LRRK2: variants seen among roughly 807,000 people sequenced by gnomAD.
LRRK2 encodes the protein leucine rich repeat kinase 2.
In LRRK2, 203 loss-of-function variants were observed where a neutral mutation model predicts 302.6. The observed-to-expected ratio is 0.67, with a 90% CI of 0.60 to 0.75. The LOEUF (loss-of-function observed/expected upper bound fraction) is 0.75, where lower values mean the gene tolerates loss of function less well. Among genes scored for constraint, LRRK2 ranks in the 30% least tolerant of loss-of-function variants. The pLI, the probability that LRRK2 is intolerant of heterozygous loss-of-function variation, is 0.00. For missense variants in LRRK2, 2,830 were observed against 2,951.0 expected, an observed-to-expected ratio of 0.96 and a Z score of 0.95; for synonymous variants, 1,066 against 1,031.9, an observed-to-expected ratio of 1.03 and a Z score of -0.63.
At chr12:40,298,535 T>C (rs770814928) in intron 24 of LRRK2, 42 bp downstream of exon 24, 5 of 1,610,100 alleles carry the variant, frequency 3.1e-6, no homozygotes, top group South Asian at 1.1e-5. Context: ...TGCCTAAATA[T>C]GCTGATGTTA....
In LRRK2 at chr12:40,240,522, A is replaced by T. The variant is rs140300473; in HGVS notation, c.611A>T (p.Asp204Val). 4 of 1,613,118 alleles carry T rather than the reference A, an allele frequency of 2.5e-6. No homozygotes were observed. The African/African-American group carries it at 5.3e-5, about 22-fold the overall frequency. ...EQLTEFVENK[D>V]YMILLSALTN... is the part of the protein sequence containing the mutation. ...CTGACTGAATTTGTTGAGAACAAAGATTATATGATATTGTTAAGTGCGTTA... is the reference window on the plus strand; with the variant it reads ...CTGACTGAATTTGTTGAGAACAAAGTTTATATGATATTGTTAAGTGCGTTA... Residue 204 changes from aspartate to valine, a missense_variant, in exon 6 of 51, where the codon GAT becomes GTT. Asp to Val is a radical substitution (Grantham distance 152, BLOSUM62 -3). Around this residue, in one of 3 missense-constraint regions of LRRK2, gnomAD observed 2,121 missense variants for 2,148.0 expected, o/e 0.99. Transcript: ENST00000298910.
chr12:40,282,922 A>G (rs1592218878), intron 18 of LRRK2, among the ~76,000 whole-genome samples: 2 of 152,152 alleles, frequency 1.3e-5, no homozygotes, highest in East Asian at 3.8e-4. Context: ...TTTTGAAGCC[A>G]GCAGATTTGG....
intron 38 of LRRK2, among the ~76,000 whole-genome samples, chr12:40,325,708 A>T (rs760600265): frequency 1.1e-4 from 17 of 152,204 alleles, no homozygotes; most frequent in Non-Finnish European, 1.6e-4. Context: ...AGTAATCTGG[A>T]GAAGGTTATG....
rs2136891322 is a variant in LRRK2, at chr12:40,322,403, G to T, written c.5402G>T (p.Cys1801Phe). ...CCTGGGTTGCTGGAGATTGATATTTGTGGTGAAGGAGAAACTCTGTTGAAG... is the reference window on the plus strand; with the variant it reads ...CCTGGGTTGCTGGAGATTGATATTTTTGGTGAAGGAGAAACTCTGTTGAAG... ...WFPGLLEIDI[C>F]GEGETLLKKW... is the part of the protein sequence containing the mutation. The change falls in exon 37 of 51, where the codon TGT becomes TTT. Residue 1801 changes from cysteine (C) to phenylalanine (F), a missense_variant. This residue lies in a region of LRRK2 where 2,121 missense variants were observed against 2,148.0 expected (regional missense o/e 0.99). Coordinates refer to ENST00000298910, the MANE Select transcript of LRRK2 (RefSeq NM_198578.4). 2 of 1,613,576 alleles carry T rather than the reference G, an allele frequency of 1.2e-6. No homozygotes were observed. The highest frequency in any genetic ancestry group is 2.2e-5 in the East Asian group (1 of 44,844).
In LRRK2 at chr12:40,315,004, A is replaced by G. The variant is rs181987755; in HGVS notation, c.4739-208A>G. Among the ~76,000 whole-genome samples, 144 of 152,200 alleles carry G rather than the reference A, an allele frequency of 9.5e-4. 1 individual carries two copies. The highest frequency in any genetic ancestry group is 3.4e-3 in the African/African-American group (140 of 41,548). On this transcript the variant is annotated intron_variant, in intron 32 of 50. Transcript: ENST00000298910. ...GTCAGTGTCTCAAATATGCTTAAAT[A>G]TGATCATTTTATGTAGTTTAAAAAT...
intron 11 of LRRK2, among the ~76,000 whole-genome samples, chr12:40,255,512 AT>A (rs1291552985): frequency 6.6e-6 from 1 of 152,104 alleles, no homozygotes; most frequent in Non-Finnish European, 1.5e-5. Flanking sequence ...ATTGCTTGCA[AT>A]TTTCAAACCA....
intron 39 of LRRK2, among the ~76,000 whole-genome samples, chr12:40,332,794 G>C (rs1033898125): frequency 3.3e-5 from 5 of 151,844 alleles, no homozygotes; most frequent in African/African-American, 1.2e-4. Flanking sequence ...TGGCCTTGCT[G>C]TCAGCATGCA....
At chr12:40,321,751 T>C (rs894694986) in intron 35 of LRRK2, among the ~76,000 whole-genome samples, 1 of 152,046 alleles carries the variant, frequency 6.6e-6, no homozygotes, top group Admixed American at 6.6e-5. Context: ...TTTTAAAAAT[T>C]ATGAGGATTT....
intron 38 of LRRK2, among the ~76,000 whole-genome samples, chr12:40,323,798 CTT>C (rs76080191): frequency 0.4 from 59,056 of 145,900 alleles, 12,263 homozygotes; most frequent in South Asian, 0.51. Flanking sequence ...TACTCAAATA[CTT>C]TTTTTTTTTT....
Position 40,263,915 on chromosome 12 carries a change from A to G in LRRK2, c.1656+14A>G. The G allele has an allele frequency of 6.4e-7, 1 of 1,552,560 alleles. No individual in the cohort carries two copies. The highest frequency in any genetic ancestry group is 1.7e-4 in the Middle Eastern group (1 of 5,914). On this transcript the variant is annotated intron_variant, in intron 14 of 50. Coordinates refer to ENST00000298910, the MANE Select transcript of LRRK2 (RefSeq NM_198578.4). Reference sequence around the variant, plus strand: ...GCTTTGAACAGGGTATGTTGAATATAAGTTTTCTGTATTTATACTATTAAC... The same window carrying G: ...GCTTTGAACAGGGTATGTTGAATATGAGTTTTCTGTATTTATACTATTAAC...
intron 49 of LRRK2, chr12:40,366,036 G>A (rs912939710): frequency 1.3e-5 from 2 of 151,886 alleles, no homozygotes; most frequent in Admixed American, 1.3e-4. Context: ...TGAAGTTATA[G>A]TGGAATGTCT....
intron 39 of LRRK2, among the ~76,000 whole-genome samples, chr12:40,329,464 C>T (rs1426927494): frequency 1.3e-5 from 2 of 151,998 alleles, no homozygotes; most frequent in African/African-American, 2.4e-5. Flanking sequence ...ATATTCTGGT[C>T]TGTACTCATA....
chr12:40,274,497 T>C (rs1432547113), intron 14 of LRRK2, 86 bp from the exon 15 acceptor site: 27 of 1,363,686 alleles, frequency 2.0e-5, no homozygotes, highest in Non-Finnish European at 9.3e-6. Context: ...GATTACTTGA[T>C]TTATATTTTG....
chr12:40,296,476 T>C (rs1473589721), intron 23 of LRRK2, among the ~76,000 whole-genome samples: 1 of 151,806 alleles, frequency 6.6e-6, no homozygotes, highest in Non-Finnish European at 1.5e-5. Context: ...ACCAAAAATA[T>C]GAAAAATTAG....
intron 43 of LRRK2, among the ~76,000 whole-genome samples, chr12:40,349,564 AGTGCT>A (rs1946293674): frequency 3.0e-4 from 3 of 10,094 alleles, no homozygotes; most frequent in African/African-American, 4.9e-4. Flanking sequence ...CCCAGGCTGG[AGTGCT>A]GGAGTGCAGT....
chr12:40,227,021 T>G (rs1940927799), intron 2 of LRRK2, among the ~76,000 whole-genome samples: 1 of 152,148 alleles, frequency 6.6e-6, no homozygotes, highest in Non-Finnish European at 1.5e-5. Context: ...CAGGGGAGCC[T>G]GGAACATACT....
chr12:40,346,457 AC>A (rs536573884), intron 41 of LRRK2, among the ~76,000 whole-genome samples: 65 of 152,314 alleles, frequency 4.3e-4, no homozygotes, highest in East Asian at 2.9e-3. Flanking sequence ...TTAATAACTT[AC>A]CATTGAATGT....
intron 2 of LRRK2, among the ~76,000 whole-genome samples, chr12:40,226,121 T>C (rs1021739194): frequency 6.6e-6 from 1 of 152,186 alleles, no homozygotes; most frequent in Admixed American, 6.5e-5. Flanking sequence ...TTTCTAGCCT[T>C]TAGTTGTAGT....
At chr12:40,353,111 T>C (rs10878412) in intron 44 of LRRK2, among the ~76,000 whole-genome samples, 115,465 of 148,918 alleles carry the variant, frequency 0.78, 45,277 homozygotes, top group Non-Finnish European at 0.86. Context: ...CCGGATGGGG[T>C]GGCTGCCCAG....
Sources: allele counts gnomAD v4.1 joint callset (sites outside exome capture counted in the v4.1 genomes callset), GRCh38; gene constraint gnomAD v4.1.1; regional missense constraint gnomAD v4.1.1; transcripts MANE v1.5; gene names NCBI Gene and HGNC (gene_info 2026-07-23, HGNC 2026-07-21).